Variants in VRK2 observed in about 807,000 individuals in gnomAD.
VRK2 encodes serine/threonine-protein kinase VRK2.
In VRK2, 60 loss-of-function variants were observed where a neutral mutation model predicts 57.6. The ratio of observed to expected loss-of-function variants is 1.04; its 90% CI spans 0.85 to 1.29. VRK2 has a LOEUF of 1.29. Ranked by LOEUF, VRK2 falls within the 50% of genes most tolerant of loss-of-function variation. VRK2 has a pLI of 0.00. For missense variants in VRK2, 705 were observed against 588.1 expected (o/e 1.20, Z -2.06); for synonymous variants, 231 against 199.2 (o/e 1.16, Z -1.35).
rs554835787 is a variant in VRK2 at position 58,082,435 on chromosome 2, C to A, written c.137-1654C>A. On this transcript the variant is annotated intron_variant, in intron 2 of 12. Coordinates refer to ENST00000340157, the MANE Select transcript of VRK2 (RefSeq NM_006296.7). ...AGGCAAAACTTTCTACTGACATCTA[C>A]CTCAGGTAGCAAAGACAAGTGCCTA... Among the ~76,000 whole-genome samples, 8 of 151,944 alleles carry A rather than the reference C, an allele frequency of 5.3e-5. No individual in the cohort carries two copies. The South Asian group carries it at 1.7e-3, about 31-fold the overall frequency.
rs1344170378 is a variant in VRK2, at chr2:58,078,636, T to G, written c.137-5453T>G. On this transcript the variant is annotated intron_variant, in intron 2 of 12. Transcript: ENST00000340157. ...TCAACGGTGCACAAGAGTTCCAATT[T>G]CTGTGCATCCTTGCCAGCATCTGTT... is the stretch of plus-strand genomic sequence containing the variant. Among the ~76,000 whole-genome samples the G allele has an allele frequency of 2.0e-5, 3 of 152,126 alleles. No individual in the cohort carries two copies. The East Asian group carries it at 5.8e-4, about 29-fold the overall frequency.
intron 1 of VRK2, among the ~76,000 whole-genome samples, chr2:57,975,847 T>G (rs548253485): frequency 6.6e-6 from 1 of 152,064 alleles, no homozygotes; most frequent in East Asian, 1.9e-4. Context: ...GGGTTTGATA[T>G]GCAAATGATT....
rs368475983 is a variant in VRK2 at position 58,056,577 on chromosome 2, G to T, written c.136+7610G>T. Among the ~76,000 whole-genome samples the T allele has an allele frequency of 1.5e-4, 23 of 149,492 alleles. No individual in the cohort carries two copies. The South Asian group carries it at 4.7e-3, about 30-fold the overall frequency. On this transcript the variant is annotated intron_variant, in intron 2 of 12. Transcript: ENST00000340157. ...TAATCCAACCTGTTCTGCTTAGGTAGTGTGGCTATTTCTGAAGAGTAACTA... is the reference window on the plus strand; with the variant it reads ...TAATCCAACCTGTTCTGCTTAGGTATTGTGGCTATTTCTGAAGAGTAACTA...
chr2:58,133,319 A>G (rs1048577621), intron 9 of VRK2, among the ~76,000 whole-genome samples: 9 of 152,304 alleles, frequency 5.9e-5, no homozygotes, highest in Non-Finnish European at 8.8e-5. Context: ...GGGGACTCTT[A>G]CATATGTTAA....
At chr2:58,032,542 T>C (rs1380581524) in intron 2 of VRK2, among the ~76,000 whole-genome samples, 1 of 152,104 alleles carries the variant, frequency 6.6e-6, no homozygotes, top group Non-Finnish European at 1.5e-5. Flanking sequence ...ACTGCAGTTC[T>C]CTGGGTGGCC....
At chr2:58,092,895 T>C (rs1203316631) in intron 7 of VRK2, among the ~76,000 whole-genome samples, 1 of 152,204 alleles carries the variant, frequency 6.6e-6, no homozygotes, top group African/African-American at 2.4e-5. Context: ...TTCCCACCTA[T>C]GAGTAAGAAC....
intron 7 of VRK2, among the ~76,000 whole-genome samples, chr2:58,104,353 A>C (rs1674438163): frequency 6.6e-6 from 1 of 151,844 alleles, no homozygotes; most frequent in Non-Finnish European, 1.5e-5. Context: ...TGTTAAATGA[A>C]TTTAGCAAAG....
chr2:57,926,015 A>G (rs757672094), intron 1 of VRK2, among the ~76,000 whole-genome samples: 1 of 151,802 alleles, frequency 6.6e-6, no homozygotes, highest in African/African-American at 2.4e-5. Flanking sequence ...ATACTGTTTA[A>G]TTTCCATGTG....
chr2:58,089,558 A>G (rs1672083946), intron 6 of VRK2, 73 bp from the exon 7 acceptor site: 5 of 894,230 alleles, frequency 5.6e-6, no homozygotes, highest in South Asian at 2.1e-5. Context: ...ATGTTATTCT[A>G]TATTCAAAAT....
chr2:57,944,400 C>T (rs1020969439), intron 1 of VRK2, among the ~76,000 whole-genome samples: 1 of 152,120 alleles, frequency 6.6e-6, no homozygotes, highest in Admixed American at 6.5e-5. Context: ...CAAAGAAATC[C>T]ATGAAATTCT....
rs1681057230 is a variant in VRK2 at position 58,139,807 on chromosome 2, A to G, written c.998A>G (p.Asn333Ser). The G allele has an allele frequency of 1.2e-6, 2 of 1,612,496 alleles. No individual in the cohort carries two copies. The highest frequency in any genetic ancestry group is 1.7e-6 in the Non-Finnish European group (2 of 1,179,156). ...LDFSTKGQSI[N>S]VHTPNSQKVD... is the part of the protein sequence containing the mutation. ...TTTTCCACAAAAGGACAGAGTATAA[A>G]TGTCCATACTCCAAACAGTCAAAAA... The change falls in exon 11 of 13, where the codon AAT (asparagine) becomes AGT (serine). Residue 333 changes from asparagine to serine, a missense_variant. Asn to Ser is a conservative substitution (Grantham distance 46). Transcript: ENST00000340157.
intron 2 of VRK2, among the ~76,000 whole-genome samples, chr2:58,029,384 A>C (rs1257901468): frequency 6.6e-6 from 1 of 152,094 alleles, no homozygotes; most frequent in Non-Finnish European, 1.5e-5. Flanking sequence ...AAATTCTTAA[A>C]GGGCTCTGAT....
intron 2 of VRK2, among the ~76,000 whole-genome samples, chr2:58,069,159 A>G (rs1412439714): frequency 6.6e-6 from 1 of 152,120 alleles, no homozygotes; most frequent in Non-Finnish European, 1.5e-5. Flanking sequence ...GAATACTGAT[A>G]TTTTGTTTTA....
chr2:58,111,260 T>A (rs1048433774), intron 7 of VRK2, among the ~76,000 whole-genome samples: 3 of 152,168 alleles, frequency 2.0e-5, no homozygotes, highest in African/African-American at 7.2e-5. Context: ...GACATCCATC[T>A]TCCCTATCTA....
intron 1 of VRK2, among the ~76,000 whole-genome samples, chr2:57,952,407 G>A (rs1671454991): frequency 6.6e-6 from 1 of 152,172 alleles, no homozygotes; most frequent in East Asian, 1.9e-4. Context: ...AGAGAAGAAA[G>A]AAAGGAGATA....
intron 2 of VRK2, chr2:58,028,407 T>C (rs1347017921): frequency 6.6e-6 from 1 of 152,174 alleles, no homozygotes; most frequent in Non-Finnish European, 1.5e-5. Flanking sequence ...TTGTGAGTAG[T>C]GCTGCAATAA....
rs1675278810 is a variant in VRK2 at position 58,048,873 on chromosome 2, A to G, written c.42A>G (p.Pro14=). The G allele has an allele frequency of 2.5e-6, 4 of 1,613,976 alleles. No homozygotes were observed. In the Admixed American group the frequency reaches 5.0e-5, roughly 20 times the overall value. Residue 14 remains proline (P), a synonymous_variant, in exon 2 of 13, where the codon CCA becomes CCG. Transcript: ENST00000340157. ...ATGAAAAATACAAACTTCCTATTCC[A>G]TTTCCAGAAGGCAAGGTTCTGGATG... ...KRNEKYKLPI[P]FPEGKVLDDM...
In VRK2 at chr2:58,159,609, A is replaced by C; in HGVS notation, c.1443A>C (p.Glu481Asp). ...WPTISQFTLS[E>D]ETNADVYYYR... ...CAATTTCCCAGTTTACTCTTAGTGA[A>C]GAGACAAACGCAGATGTTTATTATT... The change falls in exon 13 of 13, where the codon GAA (glutamate) becomes GAC (aspartate). Residue 481 changes from glutamate to aspartate, a missense_variant. Coordinates refer to ENST00000340157, the MANE Select transcript of VRK2 (RefSeq NM_006296.7). 1 of 1,613,860 alleles carries C rather than the reference A, an allele frequency of 6.2e-7. No homozygotes were observed. The highest frequency in any genetic ancestry group is 8.5e-7 in the Non-Finnish European group (1 of 1,179,822).
chr2:57,960,867 C>T (rs1269958784), intron 1 of VRK2, among the ~76,000 whole-genome samples: 1 of 152,168 alleles, frequency 6.6e-6, no homozygotes, highest in African/African-American at 2.4e-5. Context: ...ATGGGAAGGG[C>T]CCTGCCCTCC....
Sources: allele counts gnomAD v4.1 joint callset (sites outside exome capture counted in the v4.1 genomes callset), GRCh38; gene constraint gnomAD v4.1.1; transcripts MANE v1.5; gene names NCBI Gene and HGNC (gene_info 2026-07-23, HGNC 2026-07-21).